Variants in DNAH5 observed in about 807,000 individuals in gnomAD.
DNAH5 encodes dynein axonemal heavy chain 5.
In DNAH5, 372 loss-of-function variants were observed where a neutral mutation model predicts 518.2. That is an observed-to-expected ratio of 0.72 (90% CI 0.66 to 0.78). The LOEUF is 0.78. Ranked by LOEUF, DNAH5 falls within the 30% of genes least tolerant of loss-of-function variation. The pLI, the probability that DNAH5 is intolerant of heterozygous loss-of-function variation, is 0.00. For synonymous variants in DNAH5, 2,039 were observed against 2,025.9 expected (o/e 1.01, Z -0.17); for missense variants, 5,523 against 5,687.0 (o/e 0.97, Z 0.93).
intron 58 of DNAH5, among the ~76,000 whole-genome samples, chr5:13,768,205 G>A (rs1023138723): frequency 6.6e-6 from 1 of 152,170 alleles, no homozygotes; most frequent in Non-Finnish European, 1.5e-5. Context: ...CTGGTGGGAG[G>A]TGATTGGATC....
chr5:13,753,338 T>C lies in DNAH5; in HGVS notation c.10767A>G (p.Gln3589=), dbSNP rs1258331272. 3.1e-6 allele frequency: 5 copies of C among 1,613,706 alleles called. No homozygotes were observed. The East Asian group carries it at 8.9e-5, about 29-fold the overall frequency. The change falls in exon 63 of 79, where the codon CAA becomes CAG. Residue 3589 remains glutamine, a synonymous_variant. Transcript: ENST00000265104. ...QGLPNDDLSI[Q]NGIIVTKASR... ...ATGCCTTCGTGACAATAATTCCATTTTGAATGGACAAGTCATCATTTGGCA... is the reference window on the plus strand; with the variant it reads ...ATGCCTTCGTGACAATAATTCCATTCTGAATGGACAAGTCATCATTTGGCA...
chr5:13,735,128 G>A lies in DNAH5; in HGVS notation c.11761+3C>T. ...GCGCTATAGTCTCTATTCTTATATT[G>A]ACCTTTAATAAGAGTGAGAAACTCT... On this transcript the variant is annotated splice_donor_region_variant and intron_variant, in intron 68 of 78. Coordinates refer to ENST00000265104, the MANE Select transcript of DNAH5 (RefSeq NM_001369.3). 1 of 1,613,134 alleles carries A rather than the reference G, an allele frequency of 6.2e-7. No individual in the cohort carries two copies. Among genetic ancestry groups the A allele is most frequent in the Non-Finnish European group, 8.5e-7 (1 of 1,179,338 alleles).
chr5:13,751,977 A>G (rs190811403), intron 64 of DNAH5, among the ~76,000 whole-genome samples, 157 bp downstream of exon 64: 62 of 152,316 alleles, frequency 4.1e-4, no homozygotes, highest in African/African-American at 1.4e-3. Flanking sequence ...GCTCCTGGAT[A>G]TTTTAATCCA....
intron 16 of DNAH5, among the ~76,000 whole-genome samples, chr5:13,892,358 T>C (rs1159867400): frequency 2.6e-5 from 4 of 152,206 alleles, no homozygotes; most frequent in Non-Finnish European, 5.9e-5. Flanking sequence ...AAAAGGGATT[T>C]TGCAGATGTG....
At chr5:13,996,210 G>A (rs573306564) in intron 1 of DNAH5, among the ~76,000 whole-genome samples, 10 of 152,178 alleles carry the variant, frequency 6.6e-5, no homozygotes, top group Admixed American at 2.6e-4. Context: ...GGGTAGTTTC[G>A]CTTCCATGCC....
intron 21 of DNAH5, among the ~76,000 whole-genome samples, chr5:13,877,197 G>A (rs2151929888): frequency 6.6e-6 from 1 of 152,282 alleles, no homozygotes; most frequent in African/African-American, 2.4e-5. Flanking sequence ...CCCTGGAAGG[G>A]CCAGCCTGGG....
chr5:13,775,503 G>A (rs1185810988), intron 55 of DNAH5, among the ~76,000 whole-genome samples: 1 of 149,782 alleles, frequency 6.7e-6, no homozygotes, highest in East Asian at 1.9e-4. Context: ...ATAGATAATA[G>A]AGAGAGAAAT....
intron 59 of DNAH5, among the ~76,000 whole-genome samples, chr5:13,763,106 C>T (rs1406303490): frequency 6.6e-6 from 1 of 152,166 alleles, no homozygotes; most frequent in Non-Finnish European, 1.5e-5. Context: ...TGTTAGAGTA[C>T]ACTTTGTCTT....
At chr5:13,970,958 C>A (rs1372921869) in intron 1 of DNAH5, among the ~76,000 whole-genome samples, 1 of 152,076 alleles carries the variant, frequency 6.6e-6, no homozygotes, top group Non-Finnish European at 1.5e-5. Context: ...TAATCCCAAA[C>A]TTCTCGGAGG....
chr5:13,823,080 C>T (rs1762435266), intron 40 of DNAH5, among the ~76,000 whole-genome samples, 183 bp downstream of exon 40: 1 of 152,108 alleles, frequency 6.6e-6, no homozygotes, highest in Admixed American at 6.5e-5. Flanking sequence ...GGTAGGAGAC[C>T]CAGGGCAAGG....
chr5:13,799,445 C>T (rs1382552601), intron 47 of DNAH5, among the ~76,000 whole-genome samples: 1 of 152,140 alleles, frequency 6.6e-6, no homozygotes, highest in Non-Finnish European at 1.5e-5. Context: ...ATATTTTCTT[C>T]CCCTCCACTG....
chr5:13,911,462 T>C lies in DNAH5; in HGVS notation c.1568A>G (p.Tyr523Cys). ...CATTTTCCGCTGGTCTAGGAAATTGTATTCCTTTTTCTTTATGGTTGCCAC... is the reference window on the plus strand; with the variant it reads ...CATTTTCCGCTGGTCTAGGAAATTGCATTCCTTTTTCTTTATGGTTGCCAC... ...GIVATIKKKE[Y>C]NFLDQRKMDF... The change falls in exon 12 of 79, where the codon TAC becomes TGC. Residue 523 changes from tyrosine (Y) to cysteine (C), a missense_variant. This residue lies in a region of DNAH5 where 5,121 missense variants were observed against 5,223.3 expected (regional missense o/e 0.98). Transcript: ENST00000265104. 1 of 1,613,868 alleles carries C rather than the reference T, an allele frequency of 6.2e-7. No homozygotes were observed. Among genetic ancestry groups the C allele is most frequent in the East Asian group, 2.2e-5 (1 of 44,880 alleles).
intron 35 of DNAH5, among the ~76,000 whole-genome samples, chr5:13,833,145 A>G (rs1452112652): frequency 8.1e-6 from 1 of 123,898 alleles, no homozygotes; most frequent in Non-Finnish European, 1.7e-5. Flanking sequence ...AAAAAAAAAG[A>G]ATGTGTTAAC....
rs1580875432 is a variant in DNAH5, at chr5:13,916,573, A to AATACT, written c.1090-123_1090-119dup. 7.4e-6 allele frequency: 4 copies of AATACT among 542,310 alleles called. No individual in the cohort carries two copies. In the East Asian group the frequency reaches 1.4e-4, roughly 20 times the overall value. 33.6% of individuals were successfully genotyped at this position (542,310 alleles called of 1,614,324 possible). A position where few individuals can be genotyped will look rare whatever the true frequency, so the allele number is the denominator to read the frequency against. Reference sequence around the variant, plus strand: ...AAGAGCTTTCTATTAAAGATTTAAAAATACTATTTAATGCTTTACATGAAA... The same window carrying AATACT: ...AAGAGCTTTCTATTAAAGATTTAAAAATACTATACTATTTAATGCTTTACATGAAA... On this transcript the variant is annotated intron_variant, in intron 8 of 78. Coordinates refer to ENST00000265104, the MANE Select transcript of DNAH5 (RefSeq NM_001369.3).
At chr5:13,978,421 G>C (rs1304105162) in intron 1 of DNAH5, among the ~76,000 whole-genome samples, 1 of 152,206 alleles carries the variant, frequency 6.6e-6, no homozygotes, top group African/African-American at 2.4e-5. Context: ...ATGGAAGAGA[G>C]AATTCCACCT....
chr5:13,762,631 C>T, intron 60 of DNAH5, 91 bp downstream of exon 60: 1 of 1,156,232 alleles, frequency 8.6e-7, no homozygotes, highest in Non-Finnish European at 1.3e-6. Flanking sequence ...ACACCAGAAG[C>T]CACAGGCACA....
chr5:13,792,853 T>C (rs929174750), intron 49 of DNAH5, among the ~76,000 whole-genome samples: 1 of 152,228 alleles, frequency 6.6e-6, no homozygotes, highest in African/African-American at 2.4e-5. Context: ...TTTTTCTCAA[T>C]AGCAGCGTCA....
chr5:13,740,041 A>G (rs770700980), intron 65 of DNAH5, among the ~76,000 whole-genome samples: 9 of 152,048 alleles, frequency 5.9e-5, no homozygotes, highest in Non-Finnish European at 5.9e-5. Context: ...TCACCCTTCC[A>G]CAGCCCAGCA....
intron 14 of DNAH5, chr5:13,900,854 A>T (rs767583045): frequency 5.3e-4 from 165 of 313,332 alleles, no homozygotes; most frequent in Non-Finnish European, 9.3e-4. Flanking sequence ...ATGTATTGGT[A>T]GGATATGCTA....
Sources: gnomAD v4.1 joint callset for allele counts (sites outside exome capture counted in the v4.1 genomes callset) on GRCh38, gnomAD v4.1.1 for gene constraint, gnomAD v4.1.1 regional missense constraint, MANE v1.5 for transcripts, NCBI Gene and HGNC (gene_info 2026-07-23, HGNC 2026-07-21) for gene names.